The following C11orf65 variants were observed in gnomAD, a reference collection of about 807,000 sequenced individuals.
The protein encoded by C11orf65 is protein MFI.
Under a neutral mutation model 35.3 loss-of-function variants are expected in C11orf65, and 38 were observed. The ratio of observed to expected loss-of-function variants is 1.08; its 90% confidence interval spans 0.83 to 1.41. The LOEUF (loss-of-function observed/expected upper bound fraction) is 1.41, where lower values mean the gene tolerates loss of function less well. Ranked by LOEUF, C11orf65 falls within the 40% of genes most tolerant of loss-of-function variation. The probability of loss-of-function intolerance (pLI) is 0.00; values close to 1 mark genes in which losing one functional copy is unlikely to be tolerated. For missense variants in C11orf65, 370 were observed against 367.1 expected, an observed-to-expected ratio of 1.01 and a Z score of -0.06; for synonymous variants, 105 against 114.4, an observed-to-expected ratio of 0.92 and a Z score of 0.53.
intron 2 of C11orf65, among the ~76,000 whole-genome samples, chr11:108,377,499 C>T (rs1238991566): frequency 1.3e-5 from 2 of 152,092 alleles, no homozygotes; most frequent in African/African-American, 4.8e-5. Context: ...TAAGAGCTAT[C>T]TATGACAGTC....
intron 3 of C11orf65, among the ~76,000 whole-genome samples, chr11:108,429,286 G>A (rs1374917615): frequency 1.3e-5 from 2 of 152,250 alleles, no homozygotes; most frequent in Admixed American, 6.5e-5. Flanking sequence ...CCTAGAGGTT[G>A]TAGAAAGTGG....
At chr11:108,321,230 C>A in intron 6 of C11orf65, 14 of 1,595,568 alleles carry the variant, frequency 8.8e-6, no homozygotes, top group Non-Finnish European at 1.2e-5. Context: ...TCTTTAACAA[C>A]AAATTTAAAC....
chr11:108,313,421 T>C (rs1400733512), intron 6 of C11orf65, among the ~76,000 whole-genome samples: 1 of 152,192 alleles, frequency 6.6e-6, no homozygotes, highest in Non-Finnish European at 1.5e-5. Context: ...TTTCCCCCCC[T>C]TCCATTTATT....
rs548486884 is a variant in C11orf65 at position 108,443,404 on chromosome 11, G to T, written c.82-11566C>A. Among the ~76,000 whole-genome samples, 16 of 152,184 alleles carry T rather than the reference G, an allele frequency of 1.1e-4. No homozygotes were observed. In the South Asian group the frequency reaches 2.3e-3, roughly 22 times the overall value. On this transcript the variant is annotated intron_variant, in intron 2 of 8. Coordinates refer to ENST00000393084, the MANE Select transcript of C11orf65 (RefSeq NM_152587.5). ...GACTTTAACACCCCACTGTCAACAT[G>T]AGACAGATCAACGAAACAGAAGGTT...
chr11:108,395,122 C>A (rs1393643097), intron 6 of C11orf65, among the ~76,000 whole-genome samples: 2 of 148,082 alleles, frequency 1.4e-5, no homozygotes, highest in Middle Eastern at 3.2e-3. Flanking sequence ...CAGAGTGAGA[C>A]CTTAACTCTT....
At chr11:108,363,935 C>A (rs1167790477) in intron 2 of C11orf65, among the ~76,000 whole-genome samples, 1 of 152,128 alleles carries the variant, frequency 6.6e-6, no homozygotes, top group Non-Finnish European at 1.5e-5. Context: ...TAATATTTCC[C>A]TTTTGTGGGT....
At chr11:108,453,806 G>C (rs76126413) in intron 2 of C11orf65, among the ~76,000 whole-genome samples, 86 of 152,288 alleles carry the variant, frequency 5.6e-4, no homozygotes, top group Non-Finnish European at 1.0e-3. Context: ...CAGTTTGCTA[G>C]TATTTGGTTG....
Position 108,430,865 on chromosome 11 carries a change from C to CA in C11orf65, c.174+880dup, listed in dbSNP as rs567293551. On this transcript the variant is annotated intron_variant, in intron 3 of 8. Transcript: ENST00000393084. ...GTCTTAAAAAAATAAATAAATAAAA[C>CA]AAAAAAAAACCCAAAACCCATAAGG... Among the ~76,000 whole-genome samples, 440 of 139,322 alleles carry CA rather than the reference C, an allele frequency of 3.2e-3. 1 individual carries two copies. Among genetic ancestry groups the CA allele is most frequent in the African/African-American group, 9.3e-3 (355 of 38,192 alleles). 91.4% of individuals were successfully genotyped at this position (139,322 alleles called of 152,430 possible).
chr11:108,445,322 G>A, intron 2 of C11orf65, among the ~76,000 whole-genome samples: 1 of 152,316 alleles, frequency 6.6e-6, no homozygotes, highest in South Asian at 2.1e-4. Context: ...GTGGGTCCCT[G>A]ACCCCCGAGC....
chr11:108,352,174 G>C (rs2089289224), intron 2 of C11orf65, among the ~76,000 whole-genome samples: 1 of 152,226 alleles, frequency 6.6e-6, no homozygotes, highest in African/African-American at 2.4e-5. Flanking sequence ...ATGGCCACCT[G>C]TAGGTGCCAA....
chr11:108,447,028 G>A (rs1233873057), intron 2 of C11orf65, among the ~76,000 whole-genome samples: 2 of 152,104 alleles, frequency 1.3e-5, no homozygotes, highest in East Asian at 1.9e-4. Context: ...GATCAAAAGA[G>A]ACAAAGAAGG....
chr11:108,392,311 G>A (rs2092183827), intron 7 of C11orf65, among the ~76,000 whole-genome samples: 2 of 152,012 alleles, frequency 1.3e-5, no homozygotes, highest in Admixed American at 1.3e-4. Flanking sequence ...CAAAGTGCTG[G>A]GATTACAGGC....
chr11:108,370,622 G>GT (rs1032095412), intron 2 of C11orf65, among the ~76,000 whole-genome samples: 21 of 147,830 alleles, frequency 1.4e-4, no homozygotes, highest in East Asian at 5.9e-4. Flanking sequence ...GTTTTGTTTT[G>GT]TTTTTTTTTA....
chr11:108,327,836 T>G, downstream of C11orf65: 1 of 1,111,914 alleles, frequency 9.0e-7, no homozygotes, highest in Non-Finnish European at 1.3e-6. Context: ...TCAATATATT[T>G]CCAAAGCAAA....
chr11:108,345,706 A>G lies in C11orf65; in HGVS notation c.227-10414T>C. On this transcript the variant is annotated intron_variant, in intron 2 of 3. Coordinates refer to the C11orf65 transcript ENST00000524755. ...GTGTATATTAGTTTAATTGAACACA[A>G]TATTGAAAAATAATTATATATATTC... 6.9e-7 allele frequency: 1 copy of G among 1,445,542 alleles called. No homozygotes were observed. Among genetic ancestry groups the G allele is most frequent in the South Asian group, 1.3e-5 (1 of 75,638 alleles). 89.5% of individuals were successfully genotyped at this position (1,445,542 alleles called of 1,614,324 possible).
chr11:108,375,087 C>T (rs2091686098), intron 2 of C11orf65, among the ~76,000 whole-genome samples: 1 of 152,130 alleles, frequency 6.6e-6, no homozygotes, highest in South Asian at 2.1e-4. Flanking sequence ...AGGAGAACTT[C>T]CCCAATCTAG....
At chr11:108,363,235 T>G (rs2090997287) in intron 2 of C11orf65, among the ~76,000 whole-genome samples, 1 of 152,194 alleles carries the variant, frequency 6.6e-6, no homozygotes. Flanking sequence ...TGGATTCATT[T>G]CTTTTCTTCT....
intron 6 of C11orf65, among the ~76,000 whole-genome samples, chr11:108,310,976 T>A (rs2084106765): frequency 6.6e-6 from 1 of 152,140 alleles, no homozygotes. Flanking sequence ...AAATGTTTGT[T>A]CGTTTGAAAT....
intron 2 of C11orf65, among the ~76,000 whole-genome samples, chr11:108,436,234 G>C (rs2093058546): frequency 6.6e-6 from 1 of 152,290 alleles, no homozygotes; most frequent in South Asian, 2.1e-4. Context: ...AAGCTCTGCT[G>C]ACGCTTGATT....
Sources: allele counts gnomAD v4.1 joint callset (sites outside exome capture counted in the v4.1 genomes callset), GRCh38; gene constraint gnomAD v4.1.1; transcripts MANE v1.5; gene names NCBI Gene and HGNC (gene_info 2026-07-23, HGNC 2026-07-21).